The following C11orf65 variants were observed in gnomAD, a reference collection of about 807,000 sequenced individuals.
The protein encoded by C11orf65 is protein MFI.
C11orf65 carries 38 observed loss-of-function variants against 35.3 expected under a neutral mutation model. The ratio of observed to expected loss-of-function variants is 1.08; its 90% CI spans 0.83 to 1.41. C11orf65 has a LOEUF of 1.41. C11orf65 is among the 40% of genes most tolerant of loss of function. The probability of loss-of-function intolerance (pLI) is 0.00; values close to 1 mark genes in which losing one functional copy is unlikely to be tolerated. For synonymous variants in C11orf65, 105 were observed against 114.4 expected (o/e 0.92, Z 0.53); for missense variants, 370 against 367.1 (o/e 1.01, Z -0.06).
chr11:108,367,979 A>G (rs1326030011), intron 2 of C11orf65: 3 of 205,130 alleles, frequency 1.5e-5, no homozygotes, highest in Non-Finnish European at 1.0e-5. Flanking sequence ...ATTATCAACT[A>G]GATAATAGTA....
chr11:108,445,595 G>A (rs2093241458), intron 2 of C11orf65, among the ~76,000 whole-genome samples: 1 of 151,986 alleles, frequency 6.6e-6, no homozygotes, highest in Admixed American at 6.6e-5. Flanking sequence ...CAAATAGAAA[G>A]GACATCCACA....
rs943641515 is a variant in C11orf65 at position 108,387,800 on chromosome 11, T to C, written c.732-1825A>G. Among the ~76,000 whole-genome samples, 78 of 152,212 alleles carry C rather than the reference T, an allele frequency of 5.1e-4. 3 individuals carry two copies. Among genetic ancestry groups the C allele is most frequent in the Non-Finnish European group, 5.9e-5 (4 of 68,026 alleles). ...ACCTTGGCCTCCCAAAGTGCTGGGA[T>C]TATAGGCGTGAGCCACTGCACTTGG... On this transcript the variant is annotated intron_variant, in intron 7 of 8. Transcript: ENST00000393084.
intron 3 of C11orf65, among the ~76,000 whole-genome samples, chr11:108,424,621 A>C (rs1233094268): frequency 6.6e-6 from 1 of 152,196 alleles, no homozygotes; most frequent in Non-Finnish European, 1.5e-5. Flanking sequence ...AAAATTAACA[A>C]GGATATTCAG....
chr11:108,335,737 G>A (rs2086767366), intron 2 of C11orf65: 2 of 781,300 alleles, frequency 2.6e-6, no homozygotes, highest in Non-Finnish European at 2.2e-6. Context: ...GTCAAGAGGT[G>A]CACAGATGCT....
At chr11:108,407,276 A>G in intron 3 of C11orf65, 127 bp from the exon 4 acceptor site, 2 of 722,102 alleles carry the variant, frequency 2.8e-6, no homozygotes. Context: ...AGTCAGGTGA[A>G]CCAACCTCAA....
intron 3 of C11orf65, among the ~76,000 whole-genome samples, chr11:108,412,752 AAAGAAG>A (rs758135304): frequency 6.6e-6 from 1 of 152,156 alleles, no homozygotes; most frequent in African/African-American, 2.4e-5. Flanking sequence ...AAGAAAGAAG[AAAGAAG>A]AAGAAGAAAG....
At chr11:108,403,414 T>TTTG (rs1473688536) in intron 6 of C11orf65, among the ~76,000 whole-genome samples, 2 of 145,274 alleles carry the variant, frequency 1.4e-5, no homozygotes, top group Non-Finnish European at 3.0e-5. Flanking sequence ...GAGAGGTTTT[T>TTTG]TTTTTGTTTT....
chr11:108,386,100 G>A, intron 7 of C11orf65, 125 bp from the exon 8 acceptor site: 1 of 770,966 alleles, frequency 1.3e-6, no homozygotes, highest in Non-Finnish European at 2.2e-6. Context: ...GCCTCCATGT[G>A]TAACTCTCAA....
chr11:108,329,486 C>T (rs565208715), downstream of C11orf65, among the ~76,000 whole-genome samples: 17 of 152,066 alleles, frequency 1.1e-4, no homozygotes, highest in African/African-American at 3.6e-4. Flanking sequence ...TGTACTCCAG[C>T]TCACTGCAAC....
intron 2 of C11orf65, among the ~76,000 whole-genome samples, chr11:108,352,244 A>T (rs557725052): frequency 4.5e-4 from 68 of 152,372 alleles, no homozygotes; most frequent in African/African-American, 1.5e-3. Context: ...TCATAAAAAC[A>T]CTGAAGGAAC....
rs190219923 is a variant in C11orf65, at chr11:108,452,265, G to A, written c.81+9214C>T. 2.5e-3 allele frequency among the ~76,000 whole-genome samples: 373 copies of A among 152,170 alleles called. 2 individuals are homozygous for A. Among genetic ancestry groups the A allele is most frequent in the African/African-American group, 8.7e-3 (360 of 41,524 alleles). On this transcript the variant is annotated intron_variant, in intron 2 of 8. Coordinates refer to ENST00000393084, the MANE Select transcript of C11orf65 (RefSeq NM_152587.5). ...TTTTCCAATCTACCCATATGACAAA[G>A]GGCTAATATCAAGAATCTACAAAGA...
At chr11:108,429,256 ACAC>A (rs933514541) in intron 3 of C11orf65, among the ~76,000 whole-genome samples, 3 of 152,254 alleles carry the variant, frequency 2.0e-5, no homozygotes, top group Admixed American at 1.3e-4. Flanking sequence ...TCATCAAAAG[ACAC>A]CACTGCTTCA....
At chr11:108,445,948 G>C (rs1239366170) in intron 2 of C11orf65, among the ~76,000 whole-genome samples, 4 of 152,176 alleles carry the variant, frequency 2.6e-5, no homozygotes, top group Non-Finnish European at 5.9e-5. Flanking sequence ...GGAGCTGAAA[G>C]CCGAGGCTCG....
At chr11:108,463,444 C>T (rs561460936) in intron 1 of C11orf65, among the ~76,000 whole-genome samples, 2 of 151,914 alleles carry the variant, frequency 1.3e-5, no homozygotes, top group African/African-American at 2.4e-5. Context: ...GGAGAAGGTT[C>T]GCTATGAAAA....
intron 2 of C11orf65, among the ~76,000 whole-genome samples, chr11:108,441,244 G>A (rs1483572568): frequency 6.6e-6 from 1 of 152,180 alleles, no homozygotes; most frequent in South Asian, 2.1e-4. Context: ...GTCTGAGATT[G>A]AACTGCAAGG....
At chr11:108,343,521 G>T in intron 2 of C11orf65, 1 of 923,896 alleles carries the variant, frequency 1.1e-6, no homozygotes, top group Non-Finnish European at 1.6e-6. Flanking sequence ...TCATCAGAAT[G>T]AAAGTGTGTG....
chr11:108,323,839 T>C (rs1253188522), intron 6 of C11orf65, among the ~76,000 whole-genome samples: 1 of 152,202 alleles, frequency 6.6e-6, no homozygotes, highest in Non-Finnish European at 1.5e-5. Context: ...TCCATTCATA[T>C]ACATCAACCA....
At chr11:108,424,468 T>C (rs1209582156) in intron 3 of C11orf65, among the ~76,000 whole-genome samples, 2 of 152,008 alleles carry the variant, frequency 1.3e-5, no homozygotes, top group Non-Finnish European at 2.9e-5. Context: ...TGGAACCAAG[T>C]TGGAAAACAC....
upstream of C11orf65, among the ~76,000 whole-genome samples, chr11:108,468,813 T>C (rs533189986): frequency 5.3e-5 from 8 of 152,188 alleles, no homozygotes; most frequent in Admixed American, 1.3e-4. Context: ...GTTAAAAAAT[T>C]TAAATTCAGG....
Sources: allele counts gnomAD v4.1 joint callset (sites outside exome capture counted in the v4.1 genomes callset), GRCh38; gene constraint gnomAD v4.1.1; transcripts MANE v1.5; gene names NCBI Gene and HGNC (gene_info 2026-07-23, HGNC 2026-07-21).